TMEM63C: variants seen among roughly 807,000 people sequenced by gnomAD.
TMEM63C encodes transmembrane protein 63C, also known as osmosensitive cation channel TMEM63C.
TMEM63C carries 32 observed loss-of-function variants against 99.2 expected under a neutral mutation model. That is an observed-to-expected ratio of 0.32 (90% confidence interval 0.24 to 0.43). The LOEUF is 0.43. Ranked by LOEUF, TMEM63C falls within the 20% of genes least tolerant of loss-of-function variation. The pLI, the probability that TMEM63C is intolerant of heterozygous loss-of-function variation, is 1.00. For missense variants in TMEM63C, 826 were observed against 1,053.0 expected (o/e 0.78, Z 2.98); for synonymous variants, 376 against 397.9 (o/e 0.94, Z 0.66).
intron 23 of TMEM63C, among the ~76,000 whole-genome samples, chr14:77,255,500 A>C (rs1889445746): frequency 6.6e-6 from 1 of 152,204 alleles, no homozygotes; most frequent in South Asian, 2.1e-4. Flanking sequence ...TGGAGAGACC[A>C]AGCCAGCAGT....
chr14:77,205,163 C>T (rs997071901), intron 1 of TMEM63C, among the ~76,000 whole-genome samples: 2 of 152,174 alleles, frequency 1.3e-5, no homozygotes, highest in Non-Finnish European at 2.9e-5. Flanking sequence ...AGGGAACAAC[C>T]TAGGAGGCTG....
At position 77,257,226 on chromosome 14, in the gene TMEM63C, AC is replaced by A; in HGVS notation, c.*501del. 1 of 156,480 alleles carries A rather than the reference AC, an allele frequency of 6.4e-6. No homozygotes were observed. Among genetic ancestry groups the A allele is most frequent in the Non-Finnish European group, 1.4e-5 (1 of 70,776 alleles). The allele number at this position is 156,480 out of a possible 1,614,324, so 9.7% of individuals were successfully genotyped here. A position where few individuals can be genotyped will look rare whatever the true frequency, so the allele number is the denominator to read the frequency against. On this transcript the variant is annotated 3_prime_UTR_variant, in exon 24 of 24. Transcript: ENST00000298351. ...TGTGCACGGGGCACATTGACAGGAC[AC>A]GGAGGACCACCTCATCACAGGGTTC...
rs201228582 is a variant in TMEM63C at position 77,218,898 on chromosome 14, G to A, written c.85G>A (p.Val29Ile). 4.5e-4 allele frequency: 719 copies of A among 1,612,444 alleles called. 1 individual carries two copies. Among genetic ancestry groups the A allele is most frequent in the Non-Finnish European group, 5.6e-4 (665 of 1,179,354 alleles). ...VDECFQSRNT[V>I]LQGQPFGGVP... Reference sequence around the variant, plus strand: ...TGAATGCTTCCAGTCTCGGAACACCGTCCTCCAGGGGCAGCCCTTTGGGGG... The same window carrying A: ...TGAATGCTTCCAGTCTCGGAACACCATCCTCCAGGGGCAGCCCTTTGGGGG... Residue 29 changes from valine to isoleucine, a missense_variant, in exon 3 of 24, where the codon GTC (valine) becomes ATC (isoleucine). Coordinates refer to ENST00000298351, the MANE Select transcript of TMEM63C (RefSeq NM_020431.4).
At position 77,192,817 on chromosome 14, in the gene TMEM63C, AAAGAAGAAGAGGAAG is replaced by A. The variant is rs1044388185; in HGVS notation, c.-77+10937_-77+10951del. 1.1e-4 allele frequency among the ~76,000 whole-genome samples: 17 copies of A among 152,102 alleles called. No homozygotes were observed. The East Asian group carries it at 2.1e-3, about 19-fold the overall frequency. On this transcript the variant is annotated intron_variant, in intron 1 of 23. Coordinates refer to ENST00000298351, the MANE Select transcript of TMEM63C (RefSeq NM_020431.4). ...GGAGGAGGAGGAAGAGGAAGAAGAA[AAAGAAGAAGAGGAAG>A]AAGAAGAAGAGGAGGAGGAGGAAGG... is the stretch of plus-strand genomic sequence containing the variant.
At chr14:77,185,709 A>T (rs1887983239) in intron 1 of TMEM63C, among the ~76,000 whole-genome samples, 1 of 152,146 alleles carries the variant, frequency 6.6e-6, no homozygotes, top group African/African-American at 2.4e-5. Flanking sequence ...TCCTGCTTTG[A>T]TGGGGGACAT....
At chr14:77,204,277 T>C (rs1888358601) in intron 1 of TMEM63C, among the ~76,000 whole-genome samples, 1 of 152,046 alleles carries the variant, frequency 6.6e-6, no homozygotes, top group Non-Finnish European at 1.5e-5. Context: ...CAGAAACAGA[T>C]GCCTCAGTCT....
At chr14:77,214,081 T>C (rs1888538499) in intron 2 of TMEM63C, among the ~76,000 whole-genome samples, 1 of 152,082 alleles carries the variant, frequency 6.6e-6, no homozygotes, top group African/African-American at 2.4e-5. Context: ...TCCTTCTCCA[T>C]CCCCATCTCT....
intron 1 of TMEM63C, among the ~76,000 whole-genome samples, chr14:77,192,859 G>T (rs576801088): frequency 6.6e-6 from 1 of 151,492 alleles, no homozygotes; most frequent in Admixed American, 6.6e-5. Context: ...GGAGGAAGGA[G>T]AAGAAGAACA....
chr14:77,246,092 C>A, intron 17 of TMEM63C, 66 bp downstream of exon 17: 1 of 1,264,840 alleles, frequency 7.9e-7, no homozygotes, highest in Non-Finnish European at 1.2e-6. Flanking sequence ...CCTCCTCTTT[C>A]AGATACTGTA....
chr14:77,255,446 T>C (rs1889445054), intron 23 of TMEM63C, among the ~76,000 whole-genome samples: 1 of 152,182 alleles, frequency 6.6e-6, no homozygotes, highest in African/African-American at 2.4e-5. Context: ...GTGCCTCAGG[T>C]TTTCATGTCC....
chr14:77,256,492 C>T, intron 23 of TMEM63C, 34 bp from the exon 24 acceptor site: 1 of 1,611,042 alleles, frequency 6.2e-7, no homozygotes. Context: ...CCCAACGTGA[C>T]CTTGCTCCTG....
intron 7 of TMEM63C, among the ~76,000 whole-genome samples, 176 bp from the exon 8 acceptor site, chr14:77,233,276 A>G (rs1043926349): frequency 3.3e-5 from 5 of 152,074 alleles, no homozygotes; most frequent in Non-Finnish European, 7.4e-5. Context: ...TGCCAGGGAA[A>G]AGAGGCCTCT....
At chr14:77,215,274 T>C (rs1888559887) in intron 2 of TMEM63C, among the ~76,000 whole-genome samples, 1 of 152,040 alleles carries the variant, frequency 6.6e-6, no homozygotes, top group Admixed American at 6.6e-5. Flanking sequence ...CACCTCACAC[T>C]GGGCTGAGAC....
At position 77,238,775 on chromosome 14, in the gene TMEM63C, G is replaced by A; in HGVS notation, c.725+8G>A. 6.2e-7 allele frequency: 1 copy of A among 1,612,528 alleles called. No individual in the cohort carries two copies. Among genetic ancestry groups the A allele is most frequent in the Non-Finnish European group, 8.5e-7 (1 of 1,178,578 alleles). The stretch of plus-strand genomic sequence containing the variant: ...CATCATTAAGCATTTTCAGTAAGTG[G>A]GTTGGGGTAGGCCAAGGCGTGGATT... On this transcript the variant is annotated splice_region_variant and intron_variant, in intron 10 of 23. Transcript: ENST00000298351.
intron 1 of TMEM63C, among the ~76,000 whole-genome samples, chr14:77,185,703 G>A (rs61151420): frequency 0.043 from 6,555 of 152,256 alleles, 416 homozygotes; most frequent in African/African-American, 0.14. Flanking sequence ...AATCAATCCT[G>A]CTTTGATGGG....
At chr14:77,241,672 C>T (rs534194603) in intron 13 of TMEM63C, among the ~76,000 whole-genome samples, 1 of 152,236 alleles carries the variant, frequency 6.6e-6, no homozygotes, top group African/African-American at 2.4e-5. Flanking sequence ...AATTTGGTTA[C>T]TGATATCTGT....
At chr14:77,197,721 T>C (rs1381090633) in intron 1 of TMEM63C, among the ~76,000 whole-genome samples, 1 of 152,232 alleles carries the variant, frequency 6.6e-6, no homozygotes, top group Non-Finnish European at 1.5e-5. Context: ...CAACCAACCA[T>C]GACTCCCCAT....
chr14:77,225,379 G>C, intron 5 of TMEM63C, 45 bp from the exon 6 acceptor site: 1 of 1,607,300 alleles, frequency 6.2e-7, no homozygotes, highest in African/African-American at 1.3e-5. Flanking sequence ...GGGCAGGGCA[G>C]GCCAGGACCT....
intron 1 of TMEM63C, among the ~76,000 whole-genome samples, chr14:77,197,538 G>T (rs1056356691): frequency 6.6e-6 from 1 of 152,220 alleles, no homozygotes; most frequent in Non-Finnish European, 1.5e-5. Flanking sequence ...GTACCCTAGG[G>T]TGAAGATTAA....
Sources: gnomAD v4.1 joint callset for allele counts (sites outside exome capture counted in the v4.1 genomes callset) on GRCh38, gnomAD v4.1.1 for gene constraint, MANE v1.5 for transcripts, NCBI Gene and HGNC (gene_info 2026-07-23, HGNC 2026-07-21) for gene names.